OSBPL1A: variants seen among roughly 807,000 people sequenced by gnomAD.
OSBPL1A encodes oxysterol-binding protein-related protein 1.
A neutral mutation model predicts 137.1 loss-of-function variants in OSBPL1A; 80 were observed. The ratio of observed to expected loss-of-function variants is 0.58; its 90% CI spans 0.49 to 0.70. The LOEUF (loss-of-function observed/expected upper bound fraction) is 0.70, where lower values mean the gene tolerates loss of function less well. OSBPL1A is among the 30% of genes least tolerant of loss of function. OSBPL1A has a pLI of 0.00. For missense variants in OSBPL1A, 970 were observed against 1,129.4 expected, an observed-to-expected ratio of 0.86 and a Z score of 2.02; for synonymous variants, 365 against 389.7, an observed-to-expected ratio of 0.94 and a Z score of 0.75.
In OSBPL1A at chr18:24,355,517, A is replaced by C. The variant is rs186527647; in HGVS notation, c.282+11375T>G. 4.2e-4 allele frequency among the ~76,000 whole-genome samples: 64 copies of C among 151,944 alleles called. No homozygotes were observed. The East Asian group carries it at 0.011, about 26-fold the overall frequency. ...CTCCATCTCAAAACAAAAAACAAAAAACAGCAACAACAAAAAACCTGTCTT... is the reference window on the plus strand; with the variant it reads ...CTCCATCTCAAAACAAAAAACAAAACACAGCAACAACAAAAAACCTGTCTT... On this transcript the variant is annotated intron_variant, in intron 4 of 27. Transcript: ENST00000319481.
At chr18:24,250,827 G>T (rs2089065193) in intron 15 of OSBPL1A, among the ~76,000 whole-genome samples, 1 of 152,198 alleles carries the variant, frequency 6.6e-6, no homozygotes, top group Admixed American at 6.5e-5. Flanking sequence ...CCAGGCCTAG[G>T]CTCATGGACA....
intron 4 of OSBPL1A, among the ~76,000 whole-genome samples, chr18:24,345,180 G>GA (rs1049670952): frequency 4.0e-5 from 6 of 151,816 alleles, no homozygotes; most frequent in Admixed American, 3.9e-4. Flanking sequence ...GGGTAAGGGG[G>GA]AAAAAAGGCA....
At chr18:24,308,606 A>G (rs1599645887) in intron 13 of OSBPL1A, among the ~76,000 whole-genome samples, 1 of 152,016 alleles carries the variant, frequency 6.6e-6, no homozygotes, top group East Asian at 1.9e-4. Flanking sequence ...CTTTGCTAGT[A>G]CCACCCAGAG....
intron 16 of OSBPL1A, among the ~76,000 whole-genome samples, chr18:24,234,733 CT>C (rs2088404943): frequency 6.6e-6 from 1 of 152,120 alleles, no homozygotes; most frequent in South Asian, 2.1e-4. Flanking sequence ...GAGTTAACAA[CT>C]TTTTAAAAGA....
intron 15 of OSBPL1A, among the ~76,000 whole-genome samples, chr18:24,241,659 C>T (rs962353903): frequency 6.6e-6 from 1 of 152,134 alleles, no homozygotes; most frequent in Admixed American, 6.5e-5. Flanking sequence ...GAAATAGGAA[C>T]GCTTTTACTC....
intron 17 of OSBPL1A, among the ~76,000 whole-genome samples, chr18:24,202,295 C>T (rs2087244512): frequency 6.6e-6 from 1 of 152,166 alleles, no homozygotes; most frequent in Non-Finnish European, 1.5e-5. Flanking sequence ...AAGGAAAATG[C>T]CTAGGACAAT....
intron 1 of OSBPL1A, among the ~76,000 whole-genome samples, chr18:24,391,281 C>A (rs754671007): frequency 6.6e-6 from 1 of 151,810 alleles, no homozygotes; most frequent in African/African-American, 2.4e-5. Flanking sequence ...GCCGGTGGCT[C>A]GGAGAAGGGA....
chr18:24,223,911 G>A (rs1456812149), intron 17 of OSBPL1A, among the ~76,000 whole-genome samples: 1 of 152,088 alleles, frequency 6.6e-6, no homozygotes, highest in Non-Finnish European at 1.5e-5. Context: ...TTTAGAGATT[G>A]GTAGGTCTGC....
chr18:24,240,573 A>G (rs1216444564), intron 15 of OSBPL1A, among the ~76,000 whole-genome samples: 3 of 152,192 alleles, frequency 2.0e-5, no homozygotes, highest in African/African-American at 7.2e-5. Context: ...GAGGCAGAAA[A>G]GCAGGGATCC....
intron 17 of OSBPL1A, among the ~76,000 whole-genome samples, chr18:24,217,124 C>T (rs879660118): frequency 6.6e-6 from 1 of 152,144 alleles, no homozygotes; most frequent in Non-Finnish European, 1.5e-5. Flanking sequence ...GGGAAAGATA[C>T]TGTAATAGAT....
intron 1 of OSBPL1A, among the ~76,000 whole-genome samples, chr18:24,391,256 CAT>C (rs1491371065): frequency 6.6e-6 from 1 of 152,068 alleles, no homozygotes; most frequent in African/African-American, 2.4e-5. Flanking sequence ...ACAGACAAAA[CAT>C]AGAATGGTGG....
intron 14 of OSBPL1A, among the ~76,000 whole-genome samples, chr18:24,283,281 A>AAAATATATATATAT (rs1246058393): frequency 1.3e-5 from 1 of 78,376 alleles, no homozygotes; most frequent in African/African-American, 5.3e-5. Context: ...AAAAAAAAAA[A>AAAATATATATATAT]ATATATATAT....
At chr18:24,232,535 A>T (rs1285033301) in intron 16 of OSBPL1A, among the ~76,000 whole-genome samples, 1 of 152,242 alleles carries the variant, frequency 6.6e-6, no homozygotes, top group East Asian at 1.9e-4. Context: ...GAGGAGTTAT[A>T]CAAACCGTAG....
intron 7 of OSBPL1A, 91 bp downstream of exon 7, chr18:24,332,851 G>A: frequency 6.9e-7 from 1 of 1,448,988 alleles, no homozygotes. Flanking sequence ...TTTAACAAAG[G>A]CTGGATACTG....
chr18:24,185,358 C>T (rs191316078), intron 18 of OSBPL1A, among the ~76,000 whole-genome samples: 17 of 148,980 alleles, frequency 1.1e-4, no homozygotes, highest in African/African-American at 3.0e-4. Flanking sequence ...GACTGAGTCT[C>T]GCCCTGTGGC....
rs763234169 is a variant in OSBPL1A, at chr18:24,323,539, CTTTT to C, written c.626-4734_626-4731del. Among the ~76,000 whole-genome samples the C allele has an allele frequency of 1.4e-4, 5 of 35,176 alleles. 1 individual carries two copies. The African/African-American group carries it at 1.5e-3, about 11-fold the overall frequency. The allele number at this position is 35,176 out of a possible 152,430, so 23.1% of individuals were successfully genotyped here. On this transcript the variant is annotated intron_variant, in intron 7 of 27. Coordinates refer to ENST00000319481, the MANE Select transcript of OSBPL1A (RefSeq NM_080597.4). ...ACACCCAGCCAGGGTGAGGCTTTTT[CTTTT>C]TTTTTTTTTTTTTTTTTTATTATAC...
intron 14 of OSBPL1A, among the ~76,000 whole-genome samples, chr18:24,291,541 T>A (rs144420797): frequency 8.0e-4 from 121 of 151,930 alleles, no homozygotes; most frequent in Non-Finnish European, 1.4e-3. Context: ...CTATTAAGAG[T>A]TCTGGCAGGA....
At chr18:24,242,168 C>A (rs1003596767) in intron 15 of OSBPL1A, among the ~76,000 whole-genome samples, 1 of 151,700 alleles carries the variant, frequency 6.6e-6, no homozygotes, top group African/African-American at 2.4e-5. Flanking sequence ...GGAGAAAATT[C>A]CTAACGCAGA....
At chr18:24,168,561 C>T (rs1276308528) in intron 24 of OSBPL1A, among the ~76,000 whole-genome samples, 4 of 152,134 alleles carry the variant, frequency 2.6e-5, no homozygotes. Context: ...AGGTCACGAC[C>T]GCTTTTTAGA....
Sources: gnomAD v4.1 joint callset for allele counts (sites outside exome capture counted in the v4.1 genomes callset) on GRCh38, gnomAD v4.1.1 for gene constraint, MANE v1.5 for transcripts, NCBI Gene and HGNC (gene_info 2026-07-23, HGNC 2026-07-21) for gene names.